MROH2B: variants seen among roughly 807,000 people sequenced by gnomAD.
MROH2B encodes maestro heat-like repeat-containing protein family member 2B.
MROH2B carries 177 observed loss-of-function variants against 208.6 expected under a neutral mutation model. The observed-to-expected ratio is 0.85, with a 90% CI of 0.75 to 0.96. The LOEUF is 0.96. MROH2B is among the 40% of genes least tolerant of loss of function. MROH2B has a pLI of 0.00. For missense variants in MROH2B, 2,002 were observed against 1,878.7 expected (o/e 1.07, Z -1.21); for synonymous variants, 728 against 659.0 (o/e 1.10, Z -1.60).
rs560583609 is a variant in MROH2B, at chr5:41,006,583, C to T, written c.3749+731G>A. On this transcript the variant is annotated intron_variant, in intron 34 of 41. Transcript: ENST00000399564. Reference sequence around the variant, plus strand: ...TGCAATTGCAAAAATATAAAACCAGCCCAAATGCCCATTAATCAATGAGTG... The same window carrying T: ...TGCAATTGCAAAAATATAAAACCAGTCCAAATGCCCATTAATCAATGAGTG... Among the ~76,000 whole-genome samples the T allele has an allele frequency of 5.9e-5, 9 of 152,236 alleles. No homozygotes were observed. The South Asian group carries it at 1.9e-3, about 32-fold the overall frequency.
At chr5:41,016,687 G>A (rs974075631) in intron 28 of MROH2B, among the ~76,000 whole-genome samples, 3 of 151,658 alleles carry the variant, frequency 2.0e-5, no homozygotes, top group Admixed American at 1.3e-4. Flanking sequence ...CACCATGTTG[G>A]CCAGGCTGGT....
chr5:41,005,644 T>G lies in MROH2B; in HGVS notation c.3751A>C (p.Ser1251Arg), dbSNP rs765119326. 42 of 1,606,414 alleles carry G rather than the reference T, an allele frequency of 2.6e-5. 1 individual carries two copies. In the South Asian group the frequency reaches 4.7e-4, roughly 18 times the overall value. ...ACTCCGTGTTGCCACACTGCCATGC[T>G]CCTAGAAAATGCACATTTTAGCAGA... ...HHIGVCSLARSMAVWQHGVIL... is the reference protein window; with the variant it reads ...HHIGVCSLARRMAVWQHGVIL... Residue 1251 changes from serine (S) to arginine (R), a missense_variant and splice_region_variant, in exon 35 of 42, where the codon AGC (serine) becomes CGC (arginine). Physicochemically the swap from Ser to Arg is moderately radical, Grantham distance 110 (BLOSUM62 -1). Transcript: ENST00000399564.
intron 19 of MROH2B, among the ~76,000 whole-genome samples, chr5:41,040,469 C>T (rs1246838113): frequency 2.0e-5 from 3 of 152,184 alleles, no homozygotes; most frequent in Non-Finnish European, 2.9e-5. Flanking sequence ...AGAATCAGAA[C>T]TCTGGCCTCA....
intron 19 of MROH2B, among the ~76,000 whole-genome samples, chr5:41,040,346 C>A (rs1191632472): frequency 6.6e-6 from 1 of 152,154 alleles, no homozygotes; most frequent in Non-Finnish European, 1.5e-5. Context: ...CAATTTGTTC[C>A]TGAAACCTGT....
chr5:41,028,188 TA>T lies in MROH2B; in HGVS notation c.2441+4553del, dbSNP rs535814216. Among the ~76,000 whole-genome samples, 14 of 152,094 alleles carry T rather than the reference TA, an allele frequency of 9.2e-5. No homozygotes were observed. In the East Asian group the frequency reaches 2.7e-3, roughly 29 times the overall value. On this transcript the variant is annotated intron_variant, in intron 24 of 41. Coordinates refer to ENST00000399564, the MANE Select transcript of MROH2B (RefSeq NM_173489.5). Reference sequence around the variant, plus strand: ...TGTACCCTAGATCTTAAAGTATATATAAAAAAAGATATACGTAGTAAAAGGT... The same window carrying T: ...TGTACCCTAGATCTTAAAGTATATATAAAAAAGATATACGTAGTAAAAGGT...
At chr5:41,048,284 C>G in intron 16 of MROH2B, 40 bp downstream of exon 16, 1 of 1,560,254 alleles carries the variant, frequency 6.4e-7, no homozygotes, top group Non-Finnish European at 8.6e-7. Flanking sequence ...TCTTTATGTT[C>G]TTGCCCCCTG....
intron 7 of MROH2B, among the ~76,000 whole-genome samples, 183 bp downstream of exon 7, chr5:41,057,880 G>A (rs1743511853): frequency 6.6e-6 from 1 of 151,800 alleles, no homozygotes; most frequent in East Asian, 1.9e-4. Context: ...TTCTTAATCC[G>A]TTTCTGAAGT....
intron 10 of MROH2B, 111 bp downstream of exon 10, chr5:41,055,631 G>A (rs937372082): frequency 5.8e-6 from 4 of 689,972 alleles, no homozygotes; most frequent in Admixed American, 2.7e-5. Flanking sequence ...TCATTTGCAC[G>A]TGATGTTATA....
At chr5:41,024,467 T>G (rs931531747) in intron 24 of MROH2B, among the ~76,000 whole-genome samples, 1 of 152,146 alleles carries the variant, frequency 6.6e-6, no homozygotes, top group African/African-American at 2.4e-5. Flanking sequence ...AAGGGATCAA[T>G]TCAACAAGAA....
At chr5:41,057,076 T>G in intron 9 of MROH2B, 33 bp downstream of exon 9, 2 of 1,610,398 alleles carry the variant, frequency 1.2e-6, no homozygotes, top group Non-Finnish European at 1.7e-6. Flanking sequence ...TTGGGGACAT[T>G]TTTATTAAAA....
chr5:41,060,282 C>G (rs564221537), intron 6 of MROH2B, among the ~76,000 whole-genome samples: 1 of 152,226 alleles, frequency 6.6e-6, no homozygotes, highest in South Asian at 2.1e-4. Context: ...CTTAGTCCAC[C>G]CCATACCCCT....
At chr5:41,004,319 G>A in intron 37 of MROH2B, 27 bp downstream of exon 37, 2 of 1,605,058 alleles carry the variant, frequency 1.2e-6, no homozygotes, top group African/African-American at 1.3e-5. Context: ...CTTCTGGGGA[G>A]GGAAGTTCCT....
At position 41,064,484 on chromosome 5, in the gene MROH2B, T is replaced by G. The variant is rs757033764; in HGVS notation, c.448A>C (p.Thr150Pro). The G allele has an allele frequency of 3.7e-6, 6 of 1,612,882 alleles. No homozygotes were observed. Among genetic ancestry groups the G allele is most frequent in the Non-Finnish European group, 4.2e-6 (5 of 1,179,312 alleles). The change falls in exon 5 of 42, where the codon ACT (threonine) becomes CCT (proline). Residue 150 changes from threonine (T) to proline (P), a missense_variant. Transcript: ENST00000399564. Reference sequence around the variant, plus strand: ...TCGGGATACCCACCAATACAGAAAGTCCCCTTCATCCTTTCATCCTCGGCC... The same window carrying G: ...TCGGGATACCCACCAATACAGAAAGGCCCCTTCATCCTTTCATCCTCGGCC... The part of the protein sequence containing the change: ...RLAEDERMKG[T>P]FCIALEKFSK...
intron 15 of MROH2B, 55 bp from the exon 16 acceptor site, chr5:41,048,520 C>G: frequency 5.9e-6 from 9 of 1,514,044 alleles, no homozygotes; most frequent in Non-Finnish European, 7.1e-6. Flanking sequence ...AAAAGCCCCA[C>G]TTATTTTTCC....
chr5:41,023,847 C>T (rs573936903), intron 24 of MROH2B, among the ~76,000 whole-genome samples: 1 of 152,284 alleles, frequency 6.6e-6, no homozygotes, highest in East Asian at 1.9e-4. Flanking sequence ...CACAGAAACT[C>T]TACAAGCCAG....
At position 41,018,403 on chromosome 5, in the gene MROH2B, T is replaced by C. The variant is rs1235031075; in HGVS notation, c.2701A>G (p.Lys901Glu). ...AAGGCTCTTTCTCTTTCCCACTCTT[T>C]TTGTGAAACAAGCCACATTTGGAGA... ...NLLQMWLVSQ[K>E]EWERERAFQI... Residue 901 changes from lysine to glutamate, a missense_variant, in exon 27 of 42, where the codon AAA becomes GAA. By Grantham distance (56) the Lys-to-Glu change is moderately conservative. Transcript: ENST00000399564. The C allele has an allele frequency of 6.2e-7, 1 of 1,613,174 alleles. No homozygotes were observed. The highest frequency in any genetic ancestry group is 8.5e-7 in the Non-Finnish European group (1 of 1,179,714).
At position 41,012,743 on chromosome 5, in the gene MROH2B, T is replaced by G. The variant is rs76503884; in HGVS notation, c.2983-8A>C. On this transcript the variant is annotated splice_polypyrimidine_tract_variant and splice_region_variant and intron_variant, in intron 29 of 41. Coordinates refer to ENST00000399564, the MANE Select transcript of MROH2B (RefSeq NM_173489.5). ...GATGAACTTACTGACAATCTGAAAA[T>G]GCACCCAGAAAGATTCGTGTAATCA... 47 of 1,612,950 alleles carry G rather than the reference T, an allele frequency of 2.9e-5. 2 individuals carry two copies. The South Asian group carries it at 4.6e-4, about 16-fold the overall frequency.
intron 6 of MROH2B, among the ~76,000 whole-genome samples, chr5:41,059,047 C>CAAA (rs1171278919): frequency 1.1e-4 from 8 of 73,184 alleles, no homozygotes; most frequent in East Asian, 3.6e-4. Context: ...GACTCCATCT[C>CAAA]AAAAAAAAAA....
chr5:41,031,975 T>C (rs960992107), intron 24 of MROH2B, among the ~76,000 whole-genome samples: 1 of 152,168 alleles, frequency 6.6e-6, no homozygotes, highest in Non-Finnish European at 1.5e-5. Context: ...CAGTCGACCA[T>C]GGATGGGCAT....
Sources: gnomAD v4.1 joint callset for allele counts (sites outside exome capture counted in the v4.1 genomes callset) on GRCh38, gnomAD v4.1.1 for gene constraint, MANE v1.5 for transcripts, NCBI Gene and HGNC (gene_info 2026-07-23, HGNC 2026-07-21) for gene names.